The following NDUFAF5 variants were observed in gnomAD, a reference collection of about 807,000 sequenced individuals.
NDUFAF5 encodes NADH:ubiquinone oxidoreductase complex assembly factor 5.
In NDUFAF5, 34 loss-of-function variants were observed where a neutral mutation model predicts 48.9. The ratio of observed to expected loss-of-function variants is 0.70; its 90% CI spans 0.53 to 0.93. The LOEUF (loss-of-function observed/expected upper bound fraction) is 0.93. Ranked by LOEUF, NDUFAF5 falls within the 40% of genes least tolerant of loss-of-function variation. The pLI, the probability that NDUFAF5 is intolerant of heterozygous loss-of-function variation, is 0.00. For missense variants in NDUFAF5, 428 were observed against 427.5 expected (o/e 1.00, Z -0.01); for synonymous variants, 153 against 150.6 (o/e 1.02, Z -0.12).
chr20:13,785,332 G>T (rs1428887884), intron 1 of NDUFAF5, 42 bp downstream of exon 1: 1 of 1,301,128 alleles, frequency 7.7e-7, no homozygotes, highest in Non-Finnish European at 1.1e-6. Context: ...GGGCGACGCG[G>T]AGGCTTGTTT....
intron 7 of NDUFAF5, among the ~76,000 whole-genome samples, chr20:13,803,799 TGGGGGGGGG>T (rs1984580445): frequency 6.7e-6 from 1 of 150,266 alleles, no homozygotes. Context: ...ATTTTTTTTT[TGGGGGGGGG>T]ACAGTTTCAC....
At chr20:13,786,545 CA>C (rs1234946769) in intron 1 of NDUFAF5, among the ~76,000 whole-genome samples, 1 of 152,112 alleles carries the variant, frequency 6.6e-6, no homozygotes, top group African/African-American at 2.4e-5. Context: ...GAATGACGTA[CA>C]AGGTGGACTC....
In NDUFAF5 at chr20:13,819,075, C is replaced by T. The variant is rs1043655456; in HGVS notation, c.*1865C>T. ...AATCAAACACAGCTAATTGAGGACCCTTATTGTTTAATGTGAGTGATTGTA... is the reference window on the plus strand; with the variant it reads ...AATCAAACACAGCTAATTGAGGACCTTTATTGTTTAATGTGAGTGATTGTA... On this transcript the variant is annotated 3_prime_UTR_variant, in exon 11 of 11. Coordinates refer to ENST00000378106, the MANE Select transcript of NDUFAF5 (RefSeq NM_024120.5). 4 of 152,120 alleles carry T rather than the reference C, an allele frequency of 2.6e-5. No homozygotes were observed. The East Asian group carries it at 7.7e-4, about 29-fold the overall frequency. 9.4% of individuals were successfully genotyped at this position (152,120 alleles called of 1,614,324 possible).
chr20:13,799,566 G>T (rs1983792460), intron 6 of NDUFAF5, among the ~76,000 whole-genome samples: 1 of 152,016 alleles, frequency 6.6e-6, no homozygotes, highest in African/African-American at 2.4e-5. Flanking sequence ...AGGTGTGGTG[G>T]CAGGTGCTTG....
intron 3 of NDUFAF5, among the ~76,000 whole-genome samples, chr20:13,789,510 C>G (rs905389709): frequency 2.7e-5 from 4 of 149,088 alleles, no homozygotes; most frequent in African/African-American, 7.4e-5. Flanking sequence ...GAGTCTCGCT[C>G]TGTTGCCCAG....
intron 7 of NDUFAF5, among the ~76,000 whole-genome samples, chr20:13,808,505 T>C (rs1372073361): frequency 6.6e-6 from 1 of 152,092 alleles, no homozygotes; most frequent in African/African-American, 2.4e-5. Context: ...CATGTAAGGA[T>C]CTCCAGATTT....
Position 13,818,535 on chromosome 20 carries a change from C to T in NDUFAF5, c.*1325C>T. ...GCTAGCCAGGTGCAATGGCGCATGC[C>T]TGTAGTCCCAGCTACTTGGGAGGCT... On this transcript the variant is annotated 3_prime_UTR_variant, in exon 11 of 11. Coordinates refer to ENST00000378106, the MANE Select transcript of NDUFAF5 (RefSeq NM_024120.5). 3.3e-6 allele frequency: 1 copy of T among 299,566 alleles called. No homozygotes were observed. Among genetic ancestry groups the T allele is most frequent in the Non-Finnish European group, 6.4e-6 (1 of 156,078 alleles). The allele number at this position is 299,566 out of a possible 1,614,324, so 18.6% of individuals were successfully genotyped here.
rs1294552022 is a variant in NDUFAF5 at position 13,812,253 on chromosome 20, CTTACCA to C, written c.778+3354_778+3359del. On this transcript the variant is annotated intron_variant, in intron 8 of 10. Coordinates refer to ENST00000378106, the MANE Select transcript of NDUFAF5 (RefSeq NM_024120.5). ...AAACGGAAAGATGCGTAGCTGAAAT[CTTACCA>C]TTGTCATCAGTTTTCATTCATTAAT... is the stretch of plus-strand genomic sequence containing the variant. 3.9e-5 allele frequency among the ~76,000 whole-genome samples: 6 copies of C among 152,198 alleles called. No homozygotes were observed. In the East Asian group the frequency reaches 1.2e-3, roughly 29 times the overall value.
intron 1 of NDUFAF5, 118 bp downstream of exon 1, chr20:13,785,408 G>C (rs781077065): frequency 7.3e-6 from 6 of 822,148 alleles, no homozygotes; most frequent in South Asian, 1.7e-5. Context: ...TTGACCAGCA[G>C]CCCTGCCTCT....
chr20:13,818,405 A>AAACCTGTGAAGTAGAATTTGGCGTTTTG lies in NDUFAF5; in HGVS notation c.*1196_*1223dup. The AAACCTGTGAAGTAGAATTTGGCGTTTTG allele has an allele frequency of 2.9e-6, 1 of 344,980 alleles. No homozygotes were observed. The highest frequency in any genetic ancestry group is 2.2e-5 in the African/African-American group (1 of 46,444). 21.4% of individuals were successfully genotyped at this position (344,980 alleles called of 1,614,324 possible). A position where few individuals can be genotyped will look rare whatever the true frequency, so the allele number is the denominator to read the frequency against. On this transcript the variant is annotated 3_prime_UTR_variant, in exon 11 of 11. Coordinates refer to ENST00000378106, the MANE Select transcript of NDUFAF5 (RefSeq NM_024120.5). ...TAGCTTTTTTGTTTTAACACAAAGT[A>AAACCTGTGAAGTAGAATTTGGCGTTTTG]AACCTGTGAAGTAGAATTTGGCGTT...
rs976238784 is a variant in NDUFAF5, at chr20:13,815,344, A to G, written c.779-1119A>G. ...GACCACAGATGATTGGCCCAAGGTT[A>G]TCCAGCTGCTTCATGACACTAAGAA... On this transcript the variant is annotated intron_variant, in intron 8 of 10. Coordinates refer to ENST00000378106, the MANE Select transcript of NDUFAF5 (RefSeq NM_024120.5). 2.6e-5 allele frequency among the ~76,000 whole-genome samples: 4 copies of G among 152,178 alleles called. No individual in the cohort carries two copies. The East Asian group carries it at 5.8e-4, about 22-fold the overall frequency.
intron 4 of NDUFAF5, 29 bp downstream of exon 4, chr20:13,793,256 C>T (rs779315446): frequency 1.3e-6 from 2 of 1,548,570 alleles, no homozygotes; most frequent in Non-Finnish European, 1.8e-6. Context: ...CTGTTGGTTT[C>T]TAATCTCGTG....
At chr20:13,808,221 G>C (rs1361381734) in intron 7 of NDUFAF5, among the ~76,000 whole-genome samples, 1 of 152,232 alleles carries the variant, frequency 6.6e-6, no homozygotes, top group Non-Finnish European at 1.5e-5. Flanking sequence ...GTTTGAGATT[G>C]GGAAGTGTCA....
chr20:13,802,174 T>A (rs1465598421), intron 7 of NDUFAF5, among the ~76,000 whole-genome samples: 2 of 152,150 alleles, frequency 1.3e-5, no homozygotes, highest in African/African-American at 4.8e-5. Flanking sequence ...GGTGCTGTAC[T>A]CCATTAGGGC....
In NDUFAF5 at chr20:13,816,546, G is replaced by A; in HGVS notation, c.862G>A (p.Glu288Lys). The change falls in exon 9 of 11, where the codon GAA (glutamate) becomes AAA (lysine). Residue 288 changes from glutamate to lysine, a missense_variant and splice_region_variant. By Grantham distance (56) the Glu-to-Lys change is moderately conservative. Coordinates refer to ENST00000378106, the MANE Select transcript of NDUFAF5 (RefSeq NM_024120.5). ...TMLAAAAVYREMYRNEDGSVP... is the reference protein window; with the variant it reads ...TMLAAAAVYRKMYRNEDGSVP... ...GCTGGCAGCTGCGGCAGTGTACAGA[G>A]GTAAGGGGCGACCACTCTTTCACCC... 6.2e-7 allele frequency: 1 copy of A among 1,613,196 alleles called. No homozygotes were observed. The highest frequency in any genetic ancestry group is 8.5e-7 in the Non-Finnish European group (1 of 1,179,300).
At chr20:13,785,328 C>G (rs761069911) in intron 1 of NDUFAF5, 38 bp downstream of exon 1, 1,207 of 1,292,056 alleles carry the variant, frequency 9.3e-4, no homozygotes, top group Non-Finnish European at 1.2e-3. Context: ...GGGCGGGCGA[C>G]GCGGAGGCTT....
At chr20:13,803,588 A>G (rs1984540606) in intron 7 of NDUFAF5, among the ~76,000 whole-genome samples, 1 of 152,188 alleles carries the variant, frequency 6.6e-6, no homozygotes, top group South Asian at 2.1e-4. Flanking sequence ...TTTTGGTCTC[A>G]GGACCCCACT....
At chr20:13,801,465 G>C in intron 6 of NDUFAF5, 21 bp from the exon 7 acceptor site, 1 of 1,487,650 alleles carries the variant, frequency 6.7e-7, no homozygotes, top group Non-Finnish European at 9.2e-7. Flanking sequence ...GAATCATTTT[G>C]TTTTCTTGTA....
intron 7 of NDUFAF5, among the ~76,000 whole-genome samples, chr20:13,802,092 T>G (rs1266617723): frequency 6.6e-6 from 1 of 152,026 alleles, no homozygotes; most frequent in East Asian, 1.9e-4. Context: ...AACAGTGCCA[T>G]ATGAAGCAGA....
Sources: gnomAD v4.1 joint callset for allele counts (sites outside exome capture counted in the v4.1 genomes callset) on GRCh38, gnomAD v4.1.1 for gene constraint, MANE v1.5 for transcripts, NCBI Gene and HGNC (gene_info 2026-07-23, HGNC 2026-07-21) for gene names.